UNC5D: variants seen among roughly 807,000 people sequenced by gnomAD.
UNC5D encodes the protein netrin receptor UNC5D.
Under a neutral mutation model 105.4 loss-of-function variants are expected in UNC5D, and 39 were observed. The observed-to-expected ratio is 0.37, with a 90% confidence interval of 0.29 to 0.48. The LOEUF is 0.48. Among genes scored for constraint, UNC5D ranks in the 20% least tolerant of loss-of-function variants. The pLI, the probability that UNC5D is intolerant of heterozygous loss-of-function variation, is 0.98. For missense variants in UNC5D, 991 were observed against 1,202.4 expected (o/e 0.82, Z 2.60); for synonymous variants, 452 against 450.4 (o/e 1.00, Z -0.04).
intron 8 of UNC5D, among the ~76,000 whole-genome samples, chr8:35,719,184 ACACG>A (rs1012989572): frequency 1.4e-5 from 2 of 146,748 alleles, no homozygotes; most frequent in African/African-American, 5.4e-5. Flanking sequence ...ACACACACAC[ACACG>A]ACTTTCTCCC....
chr8:35,336,065 G>C (rs1003017696), intron 1 of UNC5D, among the ~76,000 whole-genome samples: 2 of 152,004 alleles, frequency 1.3e-5, no homozygotes, highest in Non-Finnish European at 2.9e-5. Context: ...GCCCGGCCGA[G>C]AGATTTCAAT....
At chr8:35,239,178 T>A (rs771377631) in intron 1 of UNC5D, among the ~76,000 whole-genome samples, 2 of 150,038 alleles carry the variant, frequency 1.3e-5, no homozygotes, top group Non-Finnish European at 2.9e-5. Flanking sequence ...CTTTGCATAC[T>A]TTTTTTGCTC....
chr8:35,400,071 C>T (rs191782548), intron 1 of UNC5D, among the ~76,000 whole-genome samples: 14 of 152,178 alleles, frequency 9.2e-5, no homozygotes, highest in Admixed American at 9.2e-4. Flanking sequence ...GAAAAGTCAA[C>T]CCTGGTGATG....
chr8:35,492,189 T>G (rs1267485907), intron 1 of UNC5D, among the ~76,000 whole-genome samples: 1 of 151,990 alleles, frequency 6.6e-6, no homozygotes, highest in African/African-American at 2.4e-5. Flanking sequence ...GCTCCAAGTT[T>G]AGGTCAAATG....
chr8:35,440,934 A>T (rs566688638), intron 1 of UNC5D, among the ~76,000 whole-genome samples: 1 of 151,962 alleles, frequency 6.6e-6, no homozygotes, highest in Non-Finnish European at 1.5e-5. Flanking sequence ...AGAGGAGGGT[A>T]GGGACCAGAC....
chr8:35,717,470 C>T (rs1221885848), intron 8 of UNC5D, among the ~76,000 whole-genome samples: 3 of 152,164 alleles, frequency 2.0e-5, no homozygotes, highest in Non-Finnish European at 4.4e-5. Context: ...ATGCATAAAG[C>T]CATCCACCTT....
At chr8:35,688,691 G>C (rs997783049) in intron 7 of UNC5D, among the ~76,000 whole-genome samples, 2 of 152,138 alleles carry the variant, frequency 1.3e-5, no homozygotes, top group African/African-American at 4.8e-5. Context: ...TCAATAGAAG[G>C]ATATTTAAAG....
chr8:35,293,972 G>A (rs1807270932), intron 1 of UNC5D, among the ~76,000 whole-genome samples: 1 of 152,172 alleles, frequency 6.6e-6, no homozygotes, highest in African/African-American at 2.4e-5. Context: ...GTGTTCAGGA[G>A]CATTGTCCAG....
chr8:35,666,658 C>G (rs1824440910), intron 4 of UNC5D, among the ~76,000 whole-genome samples: 1 of 152,082 alleles, frequency 6.6e-6, no homozygotes, highest in Non-Finnish European at 1.5e-5. Flanking sequence ...TAAACACCCT[C>G]CCCAAATGAG....
chr8:35,533,321 G>C (rs1316414103), intron 1 of UNC5D, among the ~76,000 whole-genome samples: 19 of 152,054 alleles, frequency 1.2e-4, no homozygotes, highest in Non-Finnish European at 2.4e-4. Flanking sequence ...AGGGGTCAGT[G>C]TGCCCCTGCT....
intron 1 of UNC5D, among the ~76,000 whole-genome samples, chr8:35,435,124 G>GT (rs1211437225): frequency 3.3e-5 from 5 of 151,736 alleles, no homozygotes; most frequent in Non-Finnish European, 7.4e-5. Context: ...AATCTTTTTT[G>GT]TTTTTTATGT....
intron 1 of UNC5D, among the ~76,000 whole-genome samples, chr8:35,331,950 C>T (rs1179786423): frequency 6.6e-6 from 1 of 152,154 alleles, no homozygotes; most frequent in African/African-American, 2.4e-5. Flanking sequence ...TGGTAGGCAT[C>T]ATTATGATTT....
At chr8:35,552,997 G>A (rs974743717) in intron 2 of UNC5D, among the ~76,000 whole-genome samples, 1 of 152,148 alleles carries the variant, frequency 6.6e-6, no homozygotes, top group Non-Finnish European at 1.5e-5. Context: ...CACTGGGGCT[G>A]TATGTTTTTT....
chr8:35,544,255 C>A, intron 1 of UNC5D: 2 of 975,952 alleles, frequency 2.0e-6, no homozygotes, highest in Non-Finnish European at 2.9e-6. Context: ...CCTACCAAGG[C>A]TCTTTCCTGA....
At chr8:35,677,798 GC>G (rs1825351866) in intron 4 of UNC5D, among the ~76,000 whole-genome samples, 1 of 151,298 alleles carries the variant, frequency 6.6e-6, no homozygotes, top group Non-Finnish European at 1.5e-5. Context: ...ATGCTGATAT[GC>G]TGGGGTCTGT....
At chr8:35,771,705 T>C (rs1030881242) in intron 15 of UNC5D, among the ~76,000 whole-genome samples, 58 of 152,338 alleles carry the variant, frequency 3.8e-4, no homozygotes, top group African/African-American at 1.3e-3. Flanking sequence ...CCAACTCAAA[T>C]GCCTCCTCCA....
At chr8:35,696,813 A>G (rs1382163692) in intron 7 of UNC5D, among the ~76,000 whole-genome samples, 1 of 152,136 alleles carries the variant, frequency 6.6e-6, no homozygotes, top group Non-Finnish European at 1.5e-5. Flanking sequence ...CCCATTCTCC[A>G]GAGTGTCAGT....
rs1268606004 is a variant in UNC5D, at chr8:35,412,820, G to A, written c.104-136472G>A. Among the ~76,000 whole-genome samples, 3 of 152,064 alleles carry A rather than the reference G, an allele frequency of 2.0e-5. 1 individual carries two copies. The highest frequency in any genetic ancestry group is 7.2e-5 in the African/African-American group (3 of 41,414). On this transcript the variant is annotated intron_variant, in intron 1 of 16. Coordinates refer to ENST00000404895, the MANE Select transcript of UNC5D (RefSeq NM_080872.4). ...GCTCTCCTATTTATTGTGCATAAGA[G>A]TTAGATGTTCGTTCCAACTCCCAGG... is the stretch of plus-strand genomic sequence containing the variant.
At chr8:35,252,174 G>A (rs560518423) in intron 1 of UNC5D, among the ~76,000 whole-genome samples, 1 of 151,724 alleles carries the variant, frequency 6.6e-6, no homozygotes, top group Non-Finnish European at 1.5e-5. Context: ...AGGCGCCAAT[G>A]GTTCTTTATT....
Sources: gnomAD v4.1 joint callset for allele counts (sites outside exome capture counted in the v4.1 genomes callset) on GRCh38, gnomAD v4.1.1 for gene constraint, MANE v1.5 for transcripts, NCBI Gene and HGNC (gene_info 2026-07-23, HGNC 2026-07-21) for gene names.